The following RUFY4 variants were observed in gnomAD, a reference collection of about 807,000 sequenced individuals.
RUFY4 encodes the protein RUN and FYVE domain containing 4.
In RUFY4, 73 loss-of-function variants were observed where a neutral mutation model predicts 69.0. The observed-to-expected ratio is 1.06, with a 90% CI of 0.88 to 1.29. The LOEUF is 1.29. Among genes scored for constraint, RUFY4 ranks in the 50% most tolerant of loss-of-function variants. The pLI is 0.00. For missense variants in RUFY4, 770 were observed against 705.6 expected (o/e 1.09, Z -1.03); for synonymous variants, 287 against 271.8 (o/e 1.06, Z -0.55).
chr2:218,046,108 A>G (rs1688822702), intron 2 of RUFY4, among the ~76,000 whole-genome samples: 2 of 151,946 alleles, frequency 1.3e-5, no homozygotes, highest in Non-Finnish European at 2.9e-5. Context: ...CCCAGCCCAT[A>G]GTGATGTTTT....
intron 2 of RUFY4, among the ~76,000 whole-genome samples, chr2:218,035,637 G>T (rs576700415): frequency 5.9e-5 from 9 of 152,264 alleles, no homozygotes; most frequent in Admixed American, 5.9e-4. Context: ...CTCCATGCCT[G>T]GTCTTGACTC....
chr2:218,059,933 T>G (rs1689143958), intron 3 of RUFY4: 1 of 171,370 alleles, frequency 5.8e-6, no homozygotes, highest in African/African-American at 2.4e-5. Flanking sequence ...CATTTTACAT[T>G]CCCGCTCACG....
At chr2:218,056,532 A>G (rs1211732975) in intron 2 of RUFY4, among the ~76,000 whole-genome samples, 1 of 152,242 alleles carries the variant, frequency 6.6e-6, no homozygotes, top group African/African-American at 2.4e-5. Flanking sequence ...ATGAAGGACA[A>G]TAAAGCCTAA....
intron 3 of RUFY4, chr2:218,060,576 G>A: frequency 7.6e-7 from 1 of 1,323,562 alleles, no homozygotes; most frequent in Non-Finnish European, 1.1e-6. Flanking sequence ...AGGTCTCATT[G>A]GTCATCTGGG....
chr2:218,082,601 G>A (rs149402094), intron 8 of RUFY4, among the ~76,000 whole-genome samples: 1 of 152,186 alleles, frequency 6.6e-6, no homozygotes, highest in Non-Finnish European at 1.5e-5. Context: ...TCAGTGTGTG[G>A]TGTGTATATT....
chr2:218,075,198 C>A, exon 7 of RUFY4: 1 of 1,558,578 alleles, frequency 6.4e-7, no homozygotes, highest in Non-Finnish European at 8.7e-7. Flanking sequence ...GCTGGCAGGG[C>A]TTCCCAGGTC....
At chr2:218,073,688 T>C in intron 5 of RUFY4, 128 bp from the exon 8 acceptor site, 1 of 983,114 alleles carries the variant, frequency 1.0e-6, no homozygotes, top group Admixed American at 2.3e-5. Context: ...TGCATGAGGG[T>C]GGGTGGGCAG....
upstream of RUFY4, among the ~76,000 whole-genome samples, chr2:218,070,051 G>A (rs910675865): frequency 6.6e-6 from 1 of 152,196 alleles, no homozygotes. Flanking sequence ...GCACAGGAAA[G>A]GATGAGTAGG....
intron 8 of RUFY4, among the ~76,000 whole-genome samples, chr2:218,081,850 C>T (rs1329624532): frequency 6.6e-6 from 1 of 152,190 alleles, no homozygotes; most frequent in Admixed American, 6.5e-5. Context: ...TCATGGCCCA[C>T]CCAACTTTCT....
intron 5 of RUFY4, among the ~76,000 whole-genome samples, 183 bp from the exon 8 acceptor site, chr2:218,073,633 T>G (rs2106052615): frequency 6.6e-6 from 1 of 152,132 alleles, no homozygotes; most frequent in Admixed American, 6.5e-5. Context: ...GATGAATGGA[T>G]AGCTGGATGC....
chr2:218,087,886 A>T (rs532347972), intron 9 of RUFY4, among the ~76,000 whole-genome samples: 1 of 152,204 alleles, frequency 6.6e-6, no homozygotes. Flanking sequence ...TAGGAATATA[A>T]CTATGTTAGG....
At chr2:218,071,740 C>G (rs1689492105) in intron 2 of RUFY4, among the ~76,000 whole-genome samples, 1 of 152,154 alleles carries the variant, frequency 6.6e-6, no homozygotes, top group South Asian at 2.1e-4. Flanking sequence ...TGTTTGTTGT[C>G]TTAACTCCTT....
At position 218,061,023 on chromosome 2, in the gene RUFY4, C is replaced by A. The variant is rs114610787; in HGVS notation, c.-1071+2342C>A. The A allele has an allele frequency of 6.0e-3, 4,351 of 720,430 alleles. 140 individuals carry two copies. The African/African-American group carries it at 0.067, about 11-fold the overall frequency. The allele number at this position is 720,430 out of a possible 1,614,324, so 44.6% of individuals were successfully genotyped here. A position where few individuals can be genotyped will look rare whatever the true frequency, so the allele number is the denominator to read the frequency against. ...GCTGCGGCAGGCCAGTAGTAGAATACCACCGTAGAAGTTGACTTCCTTCAG... is the reference window on the plus strand; with the variant it reads ...GCTGCGGCAGGCCAGTAGTAGAATAACACCGTAGAAGTTGACTTCCTTCAG... On this transcript the variant is annotated intron_variant and NMD_transcript_variant, in intron 3 of 13. Coordinates refer to the RUFY4 transcript ENST00000457754.
intron 2 of RUFY4, among the ~76,000 whole-genome samples, chr2:218,049,805 G>C (rs750001705): frequency 1.3e-5 from 2 of 152,214 alleles, no homozygotes; most frequent in Admixed American, 1.3e-4. Flanking sequence ...ACCGTGCCCA[G>C]CTAGGTCCTT....
chr2:218,061,047 A>G (rs773319303), intron 3 of RUFY4: 2 of 673,670 alleles, frequency 3.0e-6, no homozygotes, highest in Admixed American at 1.8e-5. Context: ...GACTTCCTTC[A>G]GGAGCTAGAC....
intron 3 of RUFY4, chr2:218,061,227 A>G (rs1305862393): frequency 2.7e-6 from 1 of 376,282 alleles, no homozygotes; most frequent in Non-Finnish European, 5.4e-6. Context: ...GGAGTTTCAC[A>G]TCACGTTCAG....
intron 2 of RUFY4, among the ~76,000 whole-genome samples, chr2:218,052,732 CTTT>C (rs879671923): frequency 5.2e-5 from 7 of 134,708 alleles, no homozygotes; most frequent in African/African-American, 1.9e-4. Context: ...CTCTATCTCA[CTTT>C]TTTTTTTTTT....
At chr2:218,074,578 T>C (rs1250607580) in intron 6 of RUFY4, among the ~76,000 whole-genome samples, 1 of 152,040 alleles carries the variant, frequency 6.6e-6, no homozygotes, top group African/African-American at 2.4e-5. Flanking sequence ...AAAAAAGCAT[T>C]GCAATATACA....
upstream of RUFY4, chr2:218,069,636 C>T (rs55703230): frequency 9.7e-3 from 1,483 of 152,274 alleles, 12 homozygotes; most frequent in Middle Eastern, 0.027. Flanking sequence ...GACTCCTGAC[C>T]CCGTCCTCCC....
Sources: gnomAD v4.1 joint callset for allele counts (sites outside exome capture counted in the v4.1 genomes callset) on GRCh38, gnomAD v4.1.1 for gene constraint, MANE v1.5 for transcripts, NCBI Gene and HGNC (gene_info 2026-07-23, HGNC 2026-07-21) for gene names.